Variants in SEL1L2 observed in about 807,000 individuals in gnomAD.
SEL1L2 encodes SEL1L2 adaptor subunit of SYVN1 ubiquitin ligase.
A neutral mutation model predicts 98.8 loss-of-function variants in SEL1L2; 89 were observed. The observed-to-expected ratio is 0.90, with a 90% CI of 0.76 to 1.07. SEL1L2 has a LOEUF of 1.07. Among genes scored for constraint, SEL1L2 ranks in the 50% least tolerant of loss-of-function variants. The pLI, the probability that SEL1L2 is intolerant of heterozygous loss-of-function variation, is 0.00. For synonymous variants in SEL1L2, 262 were observed against 278.5 expected, an observed-to-expected ratio of 0.94 and a Z score of 0.59; for missense variants, 788 against 812.0, an observed-to-expected ratio of 0.97 and a Z score of 0.36.
chr20:13,965,454 C>T (rs1028258061), intron 1 of SEL1L2, among the ~76,000 whole-genome samples: 1 of 152,154 alleles, frequency 6.6e-6, no homozygotes, highest in Non-Finnish European at 1.5e-5. Flanking sequence ...AGAAAATTCT[C>T]CCAATGGGAT....
intron 1 of SEL1L2, among the ~76,000 whole-genome samples, chr20:13,985,960 C>A (rs998194836): frequency 1.3e-5 from 2 of 152,152 alleles, no homozygotes; most frequent in Non-Finnish European, 2.9e-5. Context: ...CAAGGTTATC[C>A]ATATCATACT....
chr20:13,925,158 AG>A (rs1381617764), intron 3 of SEL1L2, among the ~76,000 whole-genome samples: 1 of 152,052 alleles, frequency 6.6e-6, no homozygotes, highest in Non-Finnish European at 1.5e-5. Context: ...AAAATACTTG[AG>A]GTGCTATGCC....
upstream of SEL1L2, among the ~76,000 whole-genome samples, chr20:13,992,521 A>C (rs77551555): frequency 4.9e-3 from 753 of 152,190 alleles, 6 homozygotes; most frequent in African/African-American, 0.017. Context: ...GAAAAAGGCT[A>C]TATGGTGTTC....
intron 5 of SEL1L2, among the ~76,000 whole-genome samples, chr20:13,889,483 T>G (rs965045365): frequency 6.6e-4 from 101 of 152,070 alleles, no homozygotes; most frequent in African/African-American, 2.2e-3. Flanking sequence ...AAACGAAATA[T>G]TTTTCCTTCA....
At chr20:13,884,539 G>T (rs1418495173) in intron 10 of SEL1L2, among the ~76,000 whole-genome samples, 2 of 151,944 alleles carry the variant, frequency 1.3e-5, no homozygotes, top group Non-Finnish European at 2.9e-5. Context: ...AGGGAGTCTG[G>T]CTCTGTCACC....
At chr20:13,890,517 C>T (rs6105177) in intron 5 of SEL1L2, among the ~76,000 whole-genome samples, 1 of 152,074 alleles carries the variant, frequency 6.6e-6, no homozygotes, top group Non-Finnish European at 1.5e-5. Flanking sequence ...TGGTGAAGAC[C>T]TTTCACATAC....
At chr20:13,869,459 G>T in intron 14 of SEL1L2, 44 bp downstream of exon 14, 3 of 1,364,630 alleles carry the variant, frequency 2.2e-6, no homozygotes, top group Non-Finnish European at 3.1e-6. Flanking sequence ...ACTTAATAAT[G>T]CATATGTCAT....
chr20:13,935,805 C>T (rs1220010485), intron 2 of SEL1L2, among the ~76,000 whole-genome samples: 6 of 151,838 alleles, frequency 4.0e-5, no homozygotes, highest in African/African-American at 1.5e-4. Flanking sequence ...AATATGATAT[C>T]GTAGAGATGG....
intron 1 of SEL1L2, among the ~76,000 whole-genome samples, chr20:13,987,806 C>A (rs1355894697): frequency 1.3e-5 from 2 of 152,124 alleles, no homozygotes; most frequent in Non-Finnish European, 2.9e-5. Flanking sequence ...TATCCAATTT[C>A]TTTGCCCATT....
intron 1 of SEL1L2, among the ~76,000 whole-genome samples, chr20:13,956,857 T>A (rs2050564231): frequency 1.3e-5 from 2 of 152,168 alleles, no homozygotes; most frequent in Admixed American, 6.5e-5. Flanking sequence ...TTACTAAGAT[T>A]GACAAATTTT....
intron 2 of SEL1L2, 91 bp downstream of exon 2, chr20:13,955,984 CA>C: frequency 1.4e-6 from 1 of 698,010 alleles, no homozygotes; most frequent in Non-Finnish European, 2.5e-6. Flanking sequence ...AAAAAAGAGA[CA>C]ATAGTTAATA....
chr20:13,925,458 G>A (rs563566012), intron 3 of SEL1L2, among the ~76,000 whole-genome samples: 5 of 152,364 alleles, frequency 3.3e-5, no homozygotes, highest in South Asian at 4.1e-4. Context: ...AGCTTCGGTA[G>A]AGAACAAGCT....
chr20:13,900,152 G>C (rs1364614119), intron 5 of SEL1L2, among the ~76,000 whole-genome samples: 2 of 152,098 alleles, frequency 1.3e-5, no homozygotes, highest in Non-Finnish European at 2.9e-5. Flanking sequence ...CATAGTTATA[G>C]GTCTAGTCAA....
chr20:13,993,704 T>C (rs141874550), upstream of SEL1L2, among the ~76,000 whole-genome samples: 99 of 152,306 alleles, frequency 6.5e-4, 1 homozygote, highest in Middle Eastern at 0.01. Flanking sequence ...CTTTCACATT[T>C]CTACATAAGA....
chr20:13,869,183 C>T (rs994951712), intron 14 of SEL1L2, among the ~76,000 whole-genome samples: 3 of 152,080 alleles, frequency 2.0e-5, no homozygotes, highest in Non-Finnish European at 4.4e-5. Context: ...CTAATAGCTG[C>T]GTGCTGATGC....
At chr20:13,853,654 TTGAAAA>T (rs1423824678) in intron 18 of SEL1L2, among the ~76,000 whole-genome samples, 1 of 152,216 alleles carries the variant, frequency 6.6e-6, no homozygotes, top group Non-Finnish European at 1.5e-5. Context: ...TAACTTCACT[TTGAAAA>T]TGAAGATATT....
chr20:13,855,596 A>G (rs973516839), intron 18 of SEL1L2, among the ~76,000 whole-genome samples: 1 of 152,220 alleles, frequency 6.6e-6, no homozygotes, highest in African/African-American at 2.4e-5. Flanking sequence ...TCAGCATTCC[A>G]AAGCGTATGT....
At chr20:13,922,645 C>G (rs1225084062) in intron 3 of SEL1L2, among the ~76,000 whole-genome samples, 3 of 152,182 alleles carry the variant, frequency 2.0e-5, no homozygotes, top group Non-Finnish European at 4.4e-5. Flanking sequence ...CCCTTTGTAT[C>G]ATTTTAATGA....
chr20:13,875,930 G>A, intron 12 of SEL1L2, 108 bp downstream of exon 12: 1 of 811,968 alleles, frequency 1.2e-6, no homozygotes, highest in Non-Finnish European at 2.2e-6. Context: ...ACTCCTTACA[G>A]GCCCATTATC....
Sources: allele counts gnomAD v4.1 joint callset (sites outside exome capture counted in the v4.1 genomes callset), GRCh38; gene constraint gnomAD v4.1.1; transcripts MANE v1.5; gene names NCBI Gene and HGNC (gene_info 2026-07-23, HGNC 2026-07-21).